Variants in COL14A1 observed in about 807,000 individuals in gnomAD.
COL14A1 encodes the protein collagen type XIV alpha 1 chain, also known as collagen alpha-1(XIV) chain.
In COL14A1, 136 loss-of-function variants were observed where a neutral mutation model predicts 230.3. That is an observed-to-expected ratio of 0.59 (90% CI 0.51 to 0.68). The LOEUF (loss-of-function observed/expected upper bound fraction) is 0.68. COL14A1 is among the 30% of genes least tolerant of loss of function. COL14A1 has a pLI of 0.00. For missense variants in COL14A1, 1,976 were observed against 2,215.8 expected, an observed-to-expected ratio of 0.89 and a Z score of 2.17; for synonymous variants, 792 against 784.1, an observed-to-expected ratio of 1.01 and a Z score of -0.17.
chr8:120,289,902 GGATGGATGGATA>G (rs1820321207), intron 34 of COL14A1, 136 bp downstream of exon 34: 4 of 831,138 alleles, frequency 4.8e-6, no homozygotes, highest in South Asian at 3.9e-5. Flanking sequence ...ATGGATGGAT[GGATGGATGGATA>G]GATGGATGGA....
chr8:120,252,115 ACAAT>A (rs1384710574), intron 22 of COL14A1, among the ~76,000 whole-genome samples: 2 of 152,202 alleles, frequency 1.3e-5, no homozygotes, highest in African/African-American at 2.4e-5. Context: ...AATGATCACC[ACAAT>A]CAAATTATTT....
intron 31 of COL14A1, among the ~76,000 whole-genome samples, chr8:120,282,056 C>T (rs1467549852): frequency 2.0e-5 from 3 of 152,112 alleles, no homozygotes; most frequent in African/African-American, 7.2e-5. Flanking sequence ...GTGCGCTGCA[C>T]CCACTAACTT....
rs1487060252 is a variant in COL14A1 at position 120,200,753 on chromosome 8, ATATATATATATATT to A, written c.877+1188_877+1201del. 7.2e-4 allele frequency among the ~76,000 whole-genome samples: 43 copies of A among 59,504 alleles called. 1 individual carries two copies. Among genetic ancestry groups the A allele is most frequent in the African/African-American group, 2.3e-3 (35 of 15,534 alleles). The allele number at this position is 59,504 out of a possible 152,430, so 39.0% of individuals were successfully genotyped here. Reference sequence around the variant, plus strand: ...TATATATATATATATATATATATATATATATATATATATTATTTTTCATCAGAGGAGGTTTCTGA... The same window carrying A: ...TATATATATATATATATATATATATAATTTTTCATCAGAGGAGGTTTCTGA... On this transcript the variant is annotated intron_variant, in intron 8 of 47. Coordinates refer to ENST00000297848, the MANE Select transcript of COL14A1 (RefSeq NM_021110.4).
intron 34 of COL14A1, 112 bp downstream of exon 34, chr8:120,289,878 G>C (rs932040380): frequency 5.5e-6 from 6 of 1,084,602 alleles, no homozygotes; most frequent in African/African-American, 1.6e-5. Context: ...ATGGATAAAT[G>C]GATGGATGAA....
intron 1 of COL14A1, among the ~76,000 whole-genome samples, chr8:120,132,140 G>A (rs1814552155): frequency 6.6e-6 from 1 of 151,958 alleles, no homozygotes; most frequent in South Asian, 2.1e-4. Flanking sequence ...GAGCCACTGT[G>A]CCCAGCCGAT....
chr8:120,218,777 G>T (rs117791513), intron 14 of COL14A1, among the ~76,000 whole-genome samples: 1 of 152,154 alleles, frequency 6.6e-6, no homozygotes, highest in Non-Finnish European at 1.5e-5. Flanking sequence ...CATCCAGGAC[G>T]CAGCCAGTCT....
At chr8:120,262,711 G>A (rs1213476895) in intron 23 of COL14A1, among the ~76,000 whole-genome samples, 157 bp from the exon 24 acceptor site, 1 of 152,078 alleles carries the variant, frequency 6.6e-6, no homozygotes, top group East Asian at 1.9e-4. Context: ...TTAACTCTTT[G>A]GAAGAAGATA....
chr8:120,236,237 T>G (rs1445436216), intron 19 of COL14A1, among the ~76,000 whole-genome samples: 1 of 152,178 alleles, frequency 6.6e-6, no homozygotes, highest in Non-Finnish European at 1.5e-5. Context: ...CTACTATTAT[T>G]GTGTGGGAGT....
At chr8:120,310,085 C>T (rs1175439082) in intron 37 of COL14A1, 23 bp downstream of exon 37, 2 of 1,610,908 alleles carry the variant, frequency 1.2e-6, no homozygotes, top group East Asian at 2.2e-5. Context: ...TTTTCTCTCT[C>T]TCTCTGTCTC....
At chr8:120,157,023 A>G (rs1016692697) in intron 2 of COL14A1, among the ~76,000 whole-genome samples, 1 of 152,214 alleles carries the variant, frequency 6.6e-6, no homozygotes, top group East Asian at 1.9e-4. Context: ...TTTTCTAACA[A>G]ACTAATTTAG....
intron 45 of COL14A1, among the ~76,000 whole-genome samples, chr8:120,359,064 C>T (rs16918568): frequency 0.021 from 3,130 of 150,412 alleles, 108 homozygotes; most frequent in African/African-American, 0.071. Context: ...ATGTGTTTAT[C>T]GTTTTTTTTT....
Position 120,209,845 on chromosome 8 carries a change from G to C in COL14A1, c.1411G>C (p.Gly471Arg), listed in dbSNP as rs1174459303. 2 of 1,613,708 alleles carry C rather than the reference G, an allele frequency of 1.2e-6. No homozygotes were observed. The highest frequency in any genetic ancestry group is 2.7e-5 in the African/African-American group (2 of 74,884). The change falls in exon 12 of 48, where the codon GGT becomes CGT. Residue 471 changes from glycine (G) to arginine (R), a missense_variant. This residue lies in a region of COL14A1 where 1,791 missense variants were observed against 2,019.5 expected (regional missense o/e 0.89). Transcript: ENST00000297848. ...VKWDAVPGAS[G>R]YLILYAPLTE... is the part of the protein sequence containing the mutation. ...ATGGGATGCAGTGCCTGGGGCCTCA[G>C]GTTACCTGATCCTTTATGCTCCTCT...
At chr8:120,221,424 A>G (rs1318871029) in intron 14 of COL14A1, among the ~76,000 whole-genome samples, 2 of 152,228 alleles carry the variant, frequency 1.3e-5, no homozygotes, top group Non-Finnish European at 2.9e-5. Context: ...ATTTTAACTA[A>G]TATAAATAAA....
intron 23 of COL14A1, among the ~76,000 whole-genome samples, chr8:120,256,225 A>G (rs1289335173): frequency 6.6e-6 from 1 of 152,238 alleles, no homozygotes; most frequent in Non-Finnish European, 1.5e-5. Context: ...CTTTCTGGGC[A>G]AATGATCTTG....
rs1258910818 is a variant in COL14A1 at position 120,211,802 on chromosome 8, C to A, written c.1468-646C>A. On this transcript the variant is annotated intron_variant, in intron 12 of 47. Coordinates refer to ENST00000297848, the MANE Select transcript of COL14A1 (RefSeq NM_021110.4). ...CTTCCAAAACATAAAACTATCTCGT[C>A]ACTCTACTGTCACACAACTGAGAAT... Among the ~76,000 whole-genome samples, 4 of 152,166 alleles carry A rather than the reference C, an allele frequency of 2.6e-5. No individual in the cohort carries two copies. The East Asian group carries it at 7.7e-4, about 29-fold the overall frequency.
At chr8:120,343,711 TGTTTAA>T (rs922853849) in intron 44 of COL14A1, among the ~76,000 whole-genome samples, 3 of 152,270 alleles carry the variant, frequency 2.0e-5, no homozygotes, top group Non-Finnish European at 4.4e-5. Context: ...TAAATATAAC[TGTTTAA>T]GTTTAATGGC....
chr8:120,315,146 G>C (rs1035106639), intron 38 of COL14A1, among the ~76,000 whole-genome samples: 2 of 152,138 alleles, frequency 1.3e-5, no homozygotes, highest in African/African-American at 4.8e-5. Context: ...GAGGCAGGCA[G>C]ATCACCTGAA....
chr8:120,205,315 C>T lies in COL14A1; in HGVS notation c.1039+1445C>T, dbSNP rs189120316. Among the ~76,000 whole-genome samples, 29 of 152,182 alleles carry T rather than the reference C, an allele frequency of 1.9e-4. No homozygotes were observed. In the East Asian group the frequency reaches 3.9e-3, roughly 20 times the overall value. ...TGAGTAAAAGGAAGTGGGAGCTCAC[C>T]GCTGGGAGCTCCTGAGCCCTGTAGT... On this transcript the variant is annotated intron_variant, in intron 9 of 47. Coordinates refer to ENST00000297848, the MANE Select transcript of COL14A1 (RefSeq NM_021110.4).
chr8:120,270,005 T>C lies in COL14A1; in HGVS notation c.3074-30T>C, dbSNP rs755789798. 3.7e-6 allele frequency: 6 copies of C among 1,609,266 alleles called. No homozygotes were observed. The East Asian group carries it at 1.3e-4, about 36-fold the overall frequency. Reference sequence around the variant, plus strand: ...ATAACTACTAACTTTTCCCCTTATCTCTGACTCAAAATTCATTGTTGGTCT... The same window carrying C: ...ATAACTACTAACTTTTCCCCTTATCCCTGACTCAAAATTCATTGTTGGTCT... On this transcript the variant is annotated intron_variant, in intron 25 of 47. Coordinates refer to ENST00000297848, the MANE Select transcript of COL14A1 (RefSeq NM_021110.4).
Sources: gnomAD v4.1 joint callset for allele counts (sites outside exome capture counted in the v4.1 genomes callset) on GRCh38, gnomAD v4.1.1 for gene constraint, gnomAD v4.1.1 regional missense constraint, MANE v1.5 for transcripts, NCBI Gene and HGNC (gene_info 2026-07-23, HGNC 2026-07-21) for gene names.